SYNE1: variants seen among roughly 807,000 people sequenced by gnomAD.
SYNE1 encodes nesprin-1.
In SYNE1, 616 loss-of-function variants were observed where a neutral mutation model predicts 1,111.0. The ratio of observed to expected loss-of-function variants is 0.55; its 90% CI spans 0.52 to 0.59. SYNE1 has a LOEUF of 0.59. SYNE1 is among the 20% of genes least tolerant of loss of function. SYNE1 has a pLI of 0.00. For synonymous variants in SYNE1, 3,855 were observed against 3,825.8 expected (o/e 1.01, Z -0.28); for missense variants, 10,006 against 10,417.0 (o/e 0.96, Z 1.72).
intron 81 of SYNE1, among the ~76,000 whole-genome samples, chr6:152,324,495 C>T (rs2095991165): frequency 6.6e-6 from 1 of 151,668 alleles, no homozygotes; most frequent in Admixed American, 6.6e-5. Flanking sequence ...TTTTCAAGGC[C>T]GTTAAGAAAG....
rs367932651 is a variant in SYNE1, at chr6:152,207,953, A to G, written c.22824+19T>C. 58 of 1,613,272 alleles carry G rather than the reference A, an allele frequency of 3.6e-5. No individual in the cohort carries two copies. Among genetic ancestry groups the G allele is most frequent in the Middle Eastern group, 1.6e-4 (1 of 6,084 alleles). ...GGAAATGCCTAAGAGGTGTGAGAAC[A>G]CTGTGTTTTGCATCTTACCTGCACT... On this transcript the variant is annotated intron_variant, in intron 125 of 145. Coordinates refer to ENST00000367255, the MANE Select transcript of SYNE1 (RefSeq NM_182961.4).
At chr6:152,453,344 G>A in intron 25 of SYNE1, 1 of 628,334 alleles carries the variant, frequency 1.6e-6, no homozygotes, top group Non-Finnish European at 2.7e-6. Flanking sequence ...AAAAAATCAG[G>A]AAACCAAAAA....
intron 64 of SYNE1, among the ~76,000 whole-genome samples, chr6:152,361,273 G>C (rs542178932): frequency 1.6e-4 from 25 of 152,186 alleles, no homozygotes; most frequent in Non-Finnish European, 3.2e-4. Context: ...TGGCAGAGGA[G>C]TTTATTTCCA....
chr6:152,143,121 C>A (rs1386437972), intron 138 of SYNE1, among the ~76,000 whole-genome samples: 1 of 152,212 alleles, frequency 6.6e-6, no homozygotes, highest in Non-Finnish European at 1.5e-5. Flanking sequence ...GCCTTGCTAT[C>A]TTTTCCCCAA....
At chr6:152,303,903 GCACACA>G (rs59642173) in intron 91 of SYNE1, among the ~76,000 whole-genome samples, 7,632 of 149,432 alleles carry the variant, frequency 0.051, 245 homozygotes, top group African/African-American at 0.082. Context: ...GTGTGCACAT[GCACACA>G]CACACACACA....
chr6:152,612,588 C>T (rs1172429090), intron 3 of SYNE1, among the ~76,000 whole-genome samples: 2 of 152,170 alleles, frequency 1.3e-5, no homozygotes, highest in Admixed American at 6.5e-5. Flanking sequence ...GAGCTGGTAC[C>T]ATTCCTTTTG....
At chr6:152,371,963 G>C (rs1192219861) in intron 59 of SYNE1, among the ~76,000 whole-genome samples, 1 of 151,102 alleles carries the variant, frequency 6.6e-6, no homozygotes, top group Non-Finnish European at 1.5e-5. Flanking sequence ...GAAAGGAAAG[G>C]AAAAGAAGAG....
At chr6:152,542,181 A>G (rs2099274224) in intron 3 of SYNE1, among the ~76,000 whole-genome samples, 1 of 152,108 alleles carries the variant, frequency 6.6e-6, no homozygotes, top group Admixed American at 6.6e-5. Context: ...TTCAGCCCAG[A>G]CCATTTGCTT....
chr6:152,623,629 A>G (rs949705288), intron 3 of SYNE1, among the ~76,000 whole-genome samples: 7 of 152,212 alleles, frequency 4.6e-5, no homozygotes, highest in African/African-American at 1.7e-4. Flanking sequence ...GCAACTGACA[A>G]AGGTCTAATA....
rs753525361 is a variant in SYNE1, at chr6:152,141,207, C to T, written c.25242G>A (p.Thr8414=). ...AACTGGATGCTACGCACTCACCAGC[C>T]GTTTGGGTTTCGGTACTATGCAGGT... ...FVNLHSTETQ[T]AGVIDRWELL... is the part of the protein sequence containing the mutation. The change falls in exon 139 of 146, where the codon ACG becomes ACA. Residue 8414 remains threonine (T), a synonymous_variant. Coordinates refer to ENST00000367255, the MANE Select transcript of SYNE1 (RefSeq NM_182961.4). 17 of 1,614,000 alleles carry T rather than the reference C, an allele frequency of 1.1e-5. No individual in the cohort carries two copies. The highest frequency in any genetic ancestry group is 1.3e-5 in the African/African-American group (1 of 74,918).
intron 108 of SYNE1, among the ~76,000 whole-genome samples, chr6:152,237,597 G>T (rs746753308): frequency 6.6e-6 from 1 of 152,276 alleles, no homozygotes; most frequent in South Asian, 2.1e-4. Flanking sequence ...TTACAGGCAT[G>T]AGCCACCACA....
At chr6:152,350,014 G>A (rs1332951274) in intron 72 of SYNE1, among the ~76,000 whole-genome samples, 154 bp downstream of exon 72, 4 of 152,218 alleles carry the variant, frequency 2.6e-5, no homozygotes, top group Admixed American at 6.5e-5. Context: ...ATGTGAAAAC[G>A]GACTAATACA....
chr6:152,244,204 T>C (rs920169924), intron 106 of SYNE1, among the ~76,000 whole-genome samples: 2 of 152,216 alleles, frequency 1.3e-5, no homozygotes, highest in Non-Finnish European at 2.9e-5. Flanking sequence ...ATATCCCTTT[T>C]TTAAATTTTT....
At chr6:152,168,230 C>A in intron 130 of SYNE1, 1 of 740,804 alleles carries the variant, frequency 1.3e-6, no homozygotes, top group Non-Finnish European at 2.5e-6. Context: ...AAAAGTTAGA[C>A]TCTGCAGAGC....
rs2098931445 is a variant in SYNE1, at chr6:152,484,945, C to T, written c.1075G>A (p.Glu359Lys). The T allele has an allele frequency of 6.2e-7, 1 of 1,612,652 alleles. No individual in the cohort carries two copies. The highest frequency in any genetic ancestry group is 1.7e-5 in the Admixed American group (1 of 59,924). ...TGTTCAATCTGTTTCCTCTTCATTT[C>T]ATATTGAACTCTGAAGTGCTTAAAT... ...QSFKHFRVQY[E>K]MKRKQIEHLI... The change falls in exon 13 of 146, where the codon GAA (glutamate) becomes AAA (lysine). Residue 359 changes from glutamate (E) to lysine (K), a missense_variant. This residue lies in a region of SYNE1 where 1,971 missense variants were observed against 2,084.1 expected (regional missense o/e 0.95). Coordinates refer to ENST00000367255, the MANE Select transcript of SYNE1 (RefSeq NM_182961.4).
chr6:152,284,839 C>A (rs554597073), intron 95 of SYNE1, among the ~76,000 whole-genome samples: 2 of 152,048 alleles, frequency 1.3e-5, no homozygotes, highest in African/African-American at 4.8e-5. Flanking sequence ...TTGCTTTCCC[C>A]AAATCTGAAA....
At chr6:152,488,821 T>C (rs182561503) in intron 11 of SYNE1, among the ~76,000 whole-genome samples, 154 of 151,430 alleles carry the variant, frequency 1.0e-3, no homozygotes, top group African/African-American at 3.5e-3. Context: ...ATAGCTGGAG[T>C]AGAAACACAG....
In SYNE1 at chr6:152,353,405, A is replaced by C. The variant is rs1177004995; in HGVS notation, c.11111T>G (p.Ile3704Ser). 6.2e-7 allele frequency: 1 copy of C among 1,614,210 alleles called. No individual in the cohort carries two copies. The highest frequency in any genetic ancestry group is 1.7e-5 in the Admixed American group (1 of 60,028). ...TGATTCTGATTCCTCCAAACTCTGA[A>C]TCTCCTCCTCCAGGAATTTTATTTG... The part of the protein sequence containing the change: ...LEQIKFLEEE[I>S]QSLEESESSL... The change falls in exon 69 of 146, where the codon ATT (isoleucine) becomes AGT (serine). Residue 3704 changes from isoleucine (I) to serine (S), a missense_variant. Coordinates refer to ENST00000367255, the MANE Select transcript of SYNE1 (RefSeq NM_182961.4).
intron 93 of SYNE1, among the ~76,000 whole-genome samples, chr6:152,299,846 T>G (rs1334809843): frequency 6.6e-6 from 1 of 152,164 alleles, no homozygotes; most frequent in Admixed American, 6.5e-5. Context: ...CATATCAACT[T>G]CTTTGAAAAA....
Sources: allele counts gnomAD v4.1 joint callset (sites outside exome capture counted in the v4.1 genomes callset), GRCh38; gene constraint gnomAD v4.1.1; regional missense constraint gnomAD v4.1.1; transcripts MANE v1.5; gene names NCBI Gene and HGNC (gene_info 2026-07-23, HGNC 2026-07-21).